The following GALNTL6 variants were observed in gnomAD, a reference collection of about 807,000 sequenced individuals.
GALNTL6 encodes polypeptide N-acetylgalactosaminyltransferase like 6.
A neutral mutation model predicts 73.7 loss-of-function variants in GALNTL6; 46 were observed. The observed-to-expected ratio is 0.62, with a 90% CI of 0.49 to 0.80. The LOEUF (loss-of-function observed/expected upper bound fraction) is 0.80, where lower values mean the gene tolerates loss of function less well. GALNTL6 is among the 30% of genes least tolerant of loss of function. GALNTL6 has a pLI of 0.00. For missense variants in GALNTL6, 604 were observed against 755.0 expected, an observed-to-expected ratio of 0.80 and a Z score of 2.34; for synonymous variants, 259 against 263.7, an observed-to-expected ratio of 0.98 and a Z score of 0.17.
intron 2 of GALNTL6, among the ~76,000 whole-genome samples, chr4:172,129,051 T>C (rs1348446490): frequency 1.3e-5 from 2 of 152,210 alleles, no homozygotes; most frequent in Non-Finnish European, 2.9e-5. Context: ...TAATTTAAGT[T>C]CACATTTCCA....
intron 2 of GALNTL6, among the ~76,000 whole-genome samples, chr4:171,968,636 G>C (rs1027720575): frequency 7.2e-5 from 11 of 151,988 alleles, no homozygotes; most frequent in Non-Finnish European, 1.5e-4. Flanking sequence ...GACACTATTC[G>C]ACCCACCACA....
chr4:173,027,794 A>G (rs914913137), intron 12 of GALNTL6, among the ~76,000 whole-genome samples: 9 of 152,234 alleles, frequency 5.9e-5, no homozygotes, highest in Non-Finnish European at 1.3e-4. Flanking sequence ...GGGTATTTAG[A>G]AAATCCAAAA....
intron 5 of GALNTL6, among the ~76,000 whole-genome samples, chr4:172,481,887 A>G (rs1733495183): frequency 6.6e-6 from 1 of 152,128 alleles, no homozygotes; most frequent in African/African-American, 2.4e-5. Context: ...CAGTACCTGC[A>G]CTCCTCAGCC....
At chr4:172,936,213 T>G (rs1561043614) in intron 9 of GALNTL6, among the ~76,000 whole-genome samples, 1 of 152,192 alleles carries the variant, frequency 6.6e-6, no homozygotes, top group African/African-American at 2.4e-5. Flanking sequence ...AGAAAAGGCC[T>G]TCGACAAAAT....
intron 2 of GALNTL6, among the ~76,000 whole-genome samples, chr4:171,864,902 A>C (rs1043026737): frequency 6.6e-6 from 1 of 152,170 alleles, no homozygotes; most frequent in African/African-American, 2.4e-5. Context: ...AAGAGAAAAG[A>C]TGGGAAACAG....
intron 2 of GALNTL6, among the ~76,000 whole-genome samples, chr4:171,869,749 T>C (rs898310923): frequency 1.9e-4 from 29 of 152,050 alleles, no homozygotes; most frequent in Admixed American, 1.8e-3. Context: ...AACTGAATCA[T>C]GGAGGCAGTT....
chr4:172,437,617 A>T (rs1404539283), intron 5 of GALNTL6, among the ~76,000 whole-genome samples: 3 of 152,106 alleles, frequency 2.0e-5, no homozygotes, highest in Non-Finnish European at 4.4e-5. Context: ...GCTGTTAAGA[A>T]ATAGTACAGA....
intron 2 of GALNTL6, among the ~76,000 whole-genome samples, chr4:171,981,840 G>T (rs1457217437): frequency 6.6e-6 from 1 of 151,642 alleles, no homozygotes; most frequent in Non-Finnish European, 1.5e-5. Flanking sequence ...CAATGATTAA[G>T]ATTTATTTCT....
At chr4:171,817,444 C>G (rs964819948) in intron 2 of GALNTL6, among the ~76,000 whole-genome samples, 3 of 151,062 alleles carry the variant, frequency 2.0e-5, no homozygotes, top group African/African-American at 7.3e-5. Context: ...AATAATTTTT[C>G]TATCTAGTAT....
chr4:172,749,650 G>A (rs1737316835), intron 5 of GALNTL6, among the ~76,000 whole-genome samples: 1 of 151,732 alleles, frequency 6.6e-6, no homozygotes. Context: ...TATTGGCTGT[G>A]TTTATTTTGA....
At chr4:172,255,713 C>A (rs1703267123) in intron 3 of GALNTL6, among the ~76,000 whole-genome samples, 1 of 151,472 alleles carries the variant, frequency 6.6e-6, no homozygotes, top group South Asian at 2.1e-4. Flanking sequence ...TCTGAATAAT[C>A]ATGGGACTAC....
chr4:172,540,748 G>A (rs994115259), intron 5 of GALNTL6, among the ~76,000 whole-genome samples: 4 of 152,198 alleles, frequency 2.6e-5, no homozygotes, highest in Admixed American at 2.6e-4. Context: ...AATTGGTTGG[G>A]AGAGTTAAGC....
chr4:172,265,883 A>G (rs1333257141), intron 3 of GALNTL6, among the ~76,000 whole-genome samples: 1 of 152,066 alleles, frequency 6.6e-6, no homozygotes, highest in Non-Finnish European at 1.5e-5. Flanking sequence ...TTTACAGCTC[A>G]AAACTGGAAA....
chr4:172,663,452 C>T (rs1265206657), intron 5 of GALNTL6, among the ~76,000 whole-genome samples: 2 of 152,174 alleles, frequency 1.3e-5, no homozygotes, highest in African/African-American at 2.4e-5. Flanking sequence ...TCTCCTTTCC[C>T]CATGTACTGT....
intron 5 of GALNTL6, among the ~76,000 whole-genome samples, chr4:172,539,891 A>T (rs1735485653): frequency 7.3e-6 from 1 of 136,522 alleles, no homozygotes; most frequent in East Asian, 2.0e-4. Flanking sequence ...ATATATATAT[A>T]TATATATATA....
At chr4:171,842,335 C>A (rs147765979) in intron 2 of GALNTL6, among the ~76,000 whole-genome samples, 17 of 152,212 alleles carry the variant, frequency 1.1e-4, no homozygotes, top group African/African-American at 3.4e-4. Context: ...GAAATGCAAT[C>A]CCCAAAGATG....
At chr4:172,432,880 C>A (rs1731506657) in intron 5 of GALNTL6, among the ~76,000 whole-genome samples, 2 of 152,124 alleles carry the variant, frequency 1.3e-5, no homozygotes, top group African/African-American at 4.8e-5. Flanking sequence ...TGCTGGATAG[C>A]TTTACAATAC....
At chr4:172,500,174 A>C (rs1734211298) in intron 5 of GALNTL6, among the ~76,000 whole-genome samples, 1 of 152,208 alleles carries the variant, frequency 6.6e-6, no homozygotes, top group African/African-American at 2.4e-5. Context: ...TAATCCAAGC[A>C]CTTTGGGAAG....
intron 4 of GALNTL6, among the ~76,000 whole-genome samples, chr4:172,341,116 T>G (rs1342947525): frequency 6.6e-6 from 1 of 152,224 alleles, no homozygotes; most frequent in Non-Finnish European, 1.5e-5. Flanking sequence ...ATCCTGTTTC[T>G]GAAAGCCACT....
Sources: gnomAD v4.1 joint callset for allele counts (sites outside exome capture counted in the v4.1 genomes callset) on GRCh38, gnomAD v4.1.1 for gene constraint, MANE v1.5 for transcripts, NCBI Gene and HGNC (gene_info 2026-07-23, HGNC 2026-07-21) for gene names.